The following SLC17A6 variants were observed in gnomAD, a reference collection of about 807,000 sequenced individuals.
SLC17A6 encodes the protein solute carrier family 17 member 6.
In SLC17A6, 35 loss-of-function variants were observed where a neutral mutation model predicts 67.1. That is an observed-to-expected ratio of 0.52 (90% confidence interval 0.40 to 0.69). The LOEUF (loss-of-function observed/expected upper bound fraction) is 0.69. Ranked by LOEUF, SLC17A6 falls within the 30% of genes least tolerant of loss-of-function variation. SLC17A6 has a pLI of 0.00. For synonymous variants in SLC17A6, 285 were observed against 252.3 expected (o/e 1.13, Z -1.23); for missense variants, 588 against 723.9 (o/e 0.81, Z 2.15).
At position 22,377,521 on chromosome 11, in the gene SLC17A6, A is replaced by G. The variant is rs962988521; in HGVS notation, c.1530A>G (p.Glu510=). Residue 510 remains glutamate, a synonymous_variant, in exon 12 of 12, where the codon GAA becomes GAG. Coordinates refer to ENST00000263160, the MANE Select transcript of SLC17A6 (RefSeq NM_020346.3). The part of the protein sequence containing the change: ...GEKQPWADPE[E]TSEEKCGFIH... ...AACAACCCTGGGCAGACCCGGAGGA[A>G]ACAAGTGAAGAAAAATGTGGATTTA... 6.2e-7 allele frequency: 1 copy of G among 1,614,050 alleles called. No homozygotes were observed. The highest frequency in any genetic ancestry group is 1.7e-5 in the Admixed American group (1 of 59,996).
chr11:22,364,067 G>C (rs1033745043), intron 6 of SLC17A6, among the ~76,000 whole-genome samples: 5 of 152,108 alleles, frequency 3.3e-5, no homozygotes, highest in African/African-American at 4.8e-5. Flanking sequence ...ATCATTGAAT[G>C]ATACAAAAAG....
intron 3 of SLC17A6, among the ~76,000 whole-genome samples, chr11:22,354,922 A>G (rs1161899513): frequency 6.6e-6 from 1 of 152,232 alleles, no homozygotes; most frequent in Non-Finnish European, 1.5e-5. Context: ...TGACTGGCTC[A>G]TAGTTATGAA....
At chr11:22,360,799 TGGAA>T (rs1856044023) in intron 4 of SLC17A6, 94 bp from the exon 5 acceptor site, 1 of 910,024 alleles carries the variant, frequency 1.1e-6, no homozygotes, top group African/African-American at 1.7e-5. Flanking sequence ...AAAATTGAGG[TGGAA>T]GGAAGTCTGA....
intron 7 of SLC17A6, among the ~76,000 whole-genome samples, chr11:22,368,379 T>G (rs1450089417): frequency 6.6e-6 from 1 of 152,080 alleles, no homozygotes; most frequent in Non-Finnish European, 1.5e-5. Context: ...TATTTAAATA[T>G]AGCATATGTA....
rs140330234 is a variant in SLC17A6, at chr11:22,377,714, T to C, written c.1723T>C (p.Tyr575His). Residue 575 changes from tyrosine to histidine, a missense_variant, in exon 12 of 12, where the codon TAT becomes CAT. Physicochemically the swap from Tyr to His is moderately conservative, Grantham distance 83 (BLOSUM62 2). Transcript: ENST00000263160. ...AGGAGAAGTACAAGACTCACATAGCTATAAGGACCGAGTTGATTATTCATA... is the reference window on the plus strand; with the variant it reads ...AGGAGAAGTACAAGACTCACATAGCCATAAGGACCGAGTTGATTATTCATA... ...VQGEVQDSHSYKDRVDYS is the reference protein window; with the variant it reads ...VQGEVQDSHSHKDRVDYS 4 of 1,589,644 alleles carry C rather than the reference T, an allele frequency of 2.5e-6. No homozygotes were observed. The highest frequency in any genetic ancestry group is 1.8e-5 in the Admixed American group (1 of 55,754).
At position 22,343,251 on chromosome 11, in the gene SLC17A6, C is replaced by T. The variant is rs773696567; in HGVS notation, c.344C>T (p.Ala115Val). 4.3e-6 allele frequency: 7 copies of T among 1,613,666 alleles called. No homozygotes were observed. The South Asian group carries it at 7.7e-5, about 18-fold the overall frequency. The change falls in exon 3 of 12, where the codon GCC becomes GTC. Residue 115 changes from alanine (A) to valine (V), a missense_variant. By Grantham distance (64) the Ala-to-Val change is moderately conservative. Around this residue, in one of 4 missense-constraint regions of SLC17A6, gnomAD observed 48 missense variants for 36.5 expected, o/e 1.32. Coordinates refer to ENST00000263160, the MANE Select transcript of SLC17A6 (RefSeq NM_020346.3). ...HRGGKVIKEKAKFNWDPETVG... is the reference protein window; with the variant it reads ...HRGGKVIKEKVKFNWDPETVG... ...TTTTTTCCTACCCCTCCATAGAAAG[C>T]CAAATTCAACTGGGACCCGGAAACC... is the stretch of plus-strand genomic sequence containing the variant.
intron 7 of SLC17A6, among the ~76,000 whole-genome samples, chr11:22,367,816 C>T (rs1257627423): frequency 6.6e-6 from 1 of 152,132 alleles, no homozygotes; most frequent in Non-Finnish European, 1.5e-5. Flanking sequence ...CTTCCTATAC[C>T]TCACTGCTTT....
intron 1 of SLC17A6, among the ~76,000 whole-genome samples, chr11:22,339,752 T>C (rs1855791674): frequency 6.6e-6 from 1 of 152,166 alleles, no homozygotes; most frequent in South Asian, 2.1e-4. Context: ...GCGGGCTTCA[T>C]GTAGGCACGA....
At chr11:22,376,708 A>G (rs1429980893) in intron 11 of SLC17A6, 36 bp downstream of exon 11, 3 of 1,608,020 alleles carry the variant, frequency 1.9e-6, no homozygotes, top group Non-Finnish European at 2.6e-6. Context: ...GTCATAGAAG[A>G]CAGTTTCTCA....
At chr11:22,344,750 C>A (rs1198382277) in intron 3 of SLC17A6, among the ~76,000 whole-genome samples, 1 of 152,112 alleles carries the variant, frequency 6.6e-6, no homozygotes, top group Non-Finnish European at 1.5e-5. Flanking sequence ...ATGTAGAGAA[C>A]CCCTTTTTAT....
At chr11:22,357,422 G>A (rs1235513901) in intron 3 of SLC17A6, among the ~76,000 whole-genome samples, 2 of 152,134 alleles carry the variant, frequency 1.3e-5, no homozygotes, top group East Asian at 3.9e-4. Flanking sequence ...GGGAACATTT[G>A]ACAATTACTG....
chr11:22,366,020 A>T (rs1312445978), intron 7 of SLC17A6, among the ~76,000 whole-genome samples: 1 of 152,220 alleles, frequency 6.6e-6, no homozygotes, highest in East Asian at 1.9e-4. Flanking sequence ...ACGTTAAAAA[A>T]ATCCAAATCA....
Position 22,373,509 on chromosome 11 carries a change from C to A in SLC17A6, c.1042-1246C>A, listed in dbSNP as rs573580047. 4.6e-5 allele frequency among the ~76,000 whole-genome samples: 7 copies of A among 151,780 alleles called. No homozygotes were observed. The South Asian group carries it at 1.5e-3, about 32-fold the overall frequency. ...TTACCTGACATCTTTATTTAGGTAC[C>A]TGTTGAGCCCCTGCTACATACCAAG... On this transcript the variant is annotated intron_variant, in intron 8 of 11. Transcript: ENST00000263160.
At chr11:22,369,751 G>A (rs545957231) in intron 7 of SLC17A6, among the ~76,000 whole-genome samples, 62 of 151,726 alleles carry the variant, frequency 4.1e-4, no homozygotes, top group Non-Finnish European at 7.1e-4. Flanking sequence ...AAGAAACTAG[G>A]ACCTATGCTT....
chr11:22,359,027 G>A (rs1391645634), intron 3 of SLC17A6, among the ~76,000 whole-genome samples: 1 of 152,188 alleles, frequency 6.6e-6, no homozygotes, highest in Non-Finnish European at 1.5e-5. Context: ...ACTGTGCTAA[G>A]TGTCAAGGAT....
intron 3 of SLC17A6, among the ~76,000 whole-genome samples, chr11:22,358,447 C>T (rs1048746596): frequency 2.0e-5 from 3 of 152,152 alleles, no homozygotes; most frequent in African/African-American, 7.2e-5. Flanking sequence ...CCTGCCTCAG[C>T]CTCCTGAGTA....
chr11:22,362,897 G>A, intron 6 of SLC17A6, 72 bp downstream of exon 6: 4 of 1,067,408 alleles, frequency 3.7e-6, no homozygotes, highest in Middle Eastern at 4.0e-4. Flanking sequence ...TGCAGACAAT[G>A]AGATCAATCA....
intron 3 of SLC17A6, among the ~76,000 whole-genome samples, chr11:22,355,764 C>G (rs1855987581): frequency 6.6e-6 from 1 of 152,222 alleles, no homozygotes; most frequent in Admixed American, 6.5e-5. Flanking sequence ...GTAACCTCTT[C>G]CATTTGTGAA....
chr11:22,362,223 A>G (rs1590388794), intron 5 of SLC17A6: 1 of 474,012 alleles, frequency 2.1e-6, no homozygotes, highest in East Asian at 5.8e-5. Context: ...TACCTTGATG[A>G]CATCTTCTGG....
Sources: allele counts gnomAD v4.1 joint callset (sites outside exome capture counted in the v4.1 genomes callset), GRCh38; gene constraint gnomAD v4.1.1; regional missense constraint gnomAD v4.1.1; transcripts MANE v1.5; gene names NCBI Gene and HGNC (gene_info 2026-07-23, HGNC 2026-07-21).